ADAM12: variants seen among roughly 807,000 people sequenced by gnomAD.
The protein encoded by ADAM12 is ADAM metallopeptidase domain 12.
ADAM12 carries 70 observed loss-of-function variants against 106.4 expected under a neutral mutation model. The observed-to-expected ratio is 0.66, with a 90% CI of 0.54 to 0.80. The LOEUF is 0.80. Among genes scored for constraint, ADAM12 ranks in the 30% least tolerant of loss-of-function variants. ADAM12 has a pLI of 0.00. For synonymous variants in ADAM12, 420 were observed against 433.5 expected, an observed-to-expected ratio of 0.97 and a Z score of 0.39; for missense variants, 1,010 against 1,171.9, an observed-to-expected ratio of 0.86 and a Z score of 2.02.
intron 3 of ADAM12, among the ~76,000 whole-genome samples, chr10:126,266,515 T>C (rs576054263): frequency 6.6e-6 from 1 of 152,262 alleles, no homozygotes; most frequent in East Asian, 1.9e-4. Flanking sequence ...GCAAGAGCAA[T>C]GGCAGCAGAA....
rs770680038 is a variant in ADAM12 at position 126,101,187 on chromosome 10, C to T, written c.796G>A (p.Asp266Asn). 32 of 1,614,070 alleles carry T rather than the reference C, an allele frequency of 2.0e-5. No individual in the cohort carries two copies. In the Admixed American group the frequency reaches 4.0e-4, roughly 20 times the overall value. The change falls in exon 9 of 23, where the codon GAC becomes AAC. Residue 266 changes from aspartate (D) to asparagine (N), a missense_variant. Coordinates refer to ENST00000448723, the MANE Select transcript of ADAM12 (RefSeq NM_001288973.2). ...TGACTTACAGAGCATTTGTCCATGT[C>T]ATTCCACACTTCCACGCCTACCAAC... ...IVLVGVEVWN[D>N]MDKCSVSQDP... is the part of the protein sequence containing the mutation.
rs544972344 is a variant in ADAM12, at chr10:126,156,234, A to G, written c.261-929T>C. Among the ~76,000 whole-genome samples, 6 of 145,818 alleles carry G rather than the reference A, an allele frequency of 4.1e-5. No homozygotes were observed. In the East Asian group the frequency reaches 1.2e-3, roughly 30 times the overall value. On this transcript the variant is annotated intron_variant, in intron 3 of 22. Coordinates refer to ENST00000448723, the MANE Select transcript of ADAM12 (RefSeq NM_001288973.2). ...TGTGAAGGGAGCGATCACAGAGTAGAAACAGAGTCCTTCTGAGGCAGGAGA... is the reference window on the plus strand; with the variant it reads ...TGTGAAGGGAGCGATCACAGAGTAGGAACAGAGTCCTTCTGAGGCAGGAGA...
At chr10:126,188,679 C>T (rs11244876) in intron 3 of ADAM12, among the ~76,000 whole-genome samples, 4,952 of 152,176 alleles carry the variant, frequency 0.033, 300 homozygotes, top group East Asian at 0.22. Flanking sequence ...TATCTTTGTA[C>T]GCCCTTTAAT....
chr10:126,288,885 C>T (rs1960010680), intron 2 of ADAM12, among the ~76,000 whole-genome samples: 1 of 149,798 alleles, frequency 6.7e-6, no homozygotes. Flanking sequence ...AATATAGTTA[C>T]CCCTAAGGAC....
At chr10:126,129,584 C>T (rs866110514) in intron 5 of ADAM12, among the ~76,000 whole-genome samples, 1 of 152,282 alleles carries the variant, frequency 6.6e-6, no homozygotes, top group African/African-American at 2.4e-5. Flanking sequence ...AGCACCAAGC[C>T]ACCAGAGCAA....
intron 5 of ADAM12, among the ~76,000 whole-genome samples, chr10:126,122,743 G>A (rs948557997): frequency 2.0e-5 from 3 of 152,150 alleles, no homozygotes; most frequent in African/African-American, 7.2e-5. Flanking sequence ...CTGGGTGACA[G>A]AACGAGAGTC....
chr10:126,126,527 T>C (rs1328828850), intron 5 of ADAM12, among the ~76,000 whole-genome samples: 4 of 151,498 alleles, frequency 2.6e-5, no homozygotes, highest in Non-Finnish European at 5.9e-5. Context: ...TGCAGGACTA[T>C]TGAACAAGCA....
chr10:126,124,598 A>G (rs1453499917), intron 5 of ADAM12, among the ~76,000 whole-genome samples: 1 of 152,138 alleles, frequency 6.6e-6, no homozygotes, highest in Admixed American at 6.5e-5. Flanking sequence ...CATTAAGAAT[A>G]GTTATTACCA....
chr10:126,180,745 G>A (rs926839442), intron 3 of ADAM12, among the ~76,000 whole-genome samples: 7 of 152,044 alleles, frequency 4.6e-5, no homozygotes, highest in Admixed American at 1.3e-4. Context: ...ACCTTATCAC[G>A]TACAAAGAAG....
At chr10:126,320,813 A>G (rs1349490646) in intron 2 of ADAM12, among the ~76,000 whole-genome samples, 2 of 152,246 alleles carry the variant, frequency 1.3e-5, no homozygotes, top group Non-Finnish European at 1.5e-5. Context: ...AGGCTTAAAA[A>G]GAAAAAAATA....
intron 2 of ADAM12, among the ~76,000 whole-genome samples, chr10:126,318,138 A>G (rs1190487399): frequency 6.6e-6 from 1 of 152,150 alleles, no homozygotes; most frequent in Non-Finnish European, 1.5e-5. Flanking sequence ...GGACAGGTAC[A>G]GGAAATATAC....
At chr10:126,082,366 T>TTTTTG (rs1554966451) in intron 11 of ADAM12, among the ~76,000 whole-genome samples, 2 of 137,852 alleles carry the variant, frequency 1.5e-5, no homozygotes, top group African/African-American at 2.7e-5. Context: ...AATGACTGTT[T>TTTTTG]TTTTTTTTTT....
At chr10:126,021,442 G>A (rs1057081827) in intron 21 of ADAM12, among the ~76,000 whole-genome samples, 1 of 152,188 alleles carries the variant, frequency 6.6e-6, no homozygotes, top group Non-Finnish European at 1.5e-5. Context: ...AGCAAAGGAA[G>A]CTACCACAGA....
At chr10:126,372,900 G>C (rs1440299323) in intron 1 of ADAM12, among the ~76,000 whole-genome samples, 1 of 152,158 alleles carries the variant, frequency 6.6e-6, no homozygotes, top group Non-Finnish European at 1.5e-5. Context: ...TGAGAAAAAA[G>C]TTTCAAGAGT....
At chr10:126,058,354 T>C (rs546112472) in intron 14 of ADAM12, among the ~76,000 whole-genome samples, 1 of 152,366 alleles carries the variant, frequency 6.6e-6, no homozygotes, top group East Asian at 1.9e-4. Context: ...CAACTGTGGT[T>C]CTGCAAACAC....
rs1305253825 is a variant in ADAM12 at position 126,046,233 on chromosome 10, T to C, written c.1918-101A>G. On this transcript the variant is annotated intron_variant, in intron 16 of 22. Transcript: ENST00000448723. ...AAACAAAAAGCAAGCAAAAGAAAGC[T>C]TGGAGAAGACCCAACCTTGTCTCAG... The C allele has an allele frequency of 3.7e-6, 4 of 1,093,860 alleles. No homozygotes were observed. In the Admixed American group the frequency reaches 7.2e-5, roughly 20 times the overall value. The allele number at this position is 1,093,860 out of a possible 1,614,324, so 67.8% of individuals were successfully genotyped here.
rs144106175 is a variant in ADAM12, at chr10:126,241,225, A to T, written c.260+37690T>A. 5.6e-4 allele frequency among the ~76,000 whole-genome samples: 85 copies of T among 152,354 alleles called. 1 individual carries two copies. The highest frequency in any genetic ancestry group is 1.0e-3 in the Non-Finnish European group (69 of 68,036). On this transcript the variant is annotated intron_variant, in intron 3 of 22. Coordinates refer to ENST00000448723, the MANE Select transcript of ADAM12 (RefSeq NM_001288973.2). Reference sequence around the variant, plus strand: ...GCCAGAAGCTTCAGAGAGATGGGCAAACGGAGAATAGGAAGTGACTTTAAC... The same window carrying T: ...GCCAGAAGCTTCAGAGAGATGGGCATACGGAGAATAGGAAGTGACTTTAAC...
chr10:126,245,011 G>A (rs888870662), intron 3 of ADAM12, among the ~76,000 whole-genome samples: 3 of 152,280 alleles, frequency 2.0e-5, no homozygotes, highest in Middle Eastern at 6.8e-3. Flanking sequence ...GATCAGGGGA[G>A]GGGCTTGCAC....
At chr10:126,371,796 C>T (rs1262325128) in intron 1 of ADAM12, among the ~76,000 whole-genome samples, 3 of 152,202 alleles carry the variant, frequency 2.0e-5, no homozygotes, top group Admixed American at 1.3e-4. Flanking sequence ...CCATTCTACG[C>T]TTATCCTCCC....
Sources: allele counts gnomAD v4.1 joint callset (sites outside exome capture counted in the v4.1 genomes callset), GRCh38; gene constraint gnomAD v4.1.1; transcripts MANE v1.5; gene names NCBI Gene and HGNC (gene_info 2026-07-23, HGNC 2026-07-21).